MACROD1: variants seen among roughly 807,000 people sequenced by gnomAD.
MACROD1 encodes mono-ADP ribosylhydrolase 1, also known as ADP-ribose glycohydrolase MACROD1.
In MACROD1, 31 loss-of-function variants were observed where a neutral mutation model predicts 41.4. The ratio of observed to expected loss-of-function variants is 0.75; its 90% CI spans 0.56 to 1.01. The LOEUF is 1.01. MACROD1 is among the 50% of genes least tolerant of loss of function. The probability of loss-of-function intolerance (pLI) is 0.00; values close to 1 mark genes in which losing one functional copy is unlikely to be tolerated. For synonymous variants in MACROD1, 252 were observed against 203.4 expected (o/e 1.24, Z -2.03); for missense variants, 473 against 460.0 (o/e 1.03, Z -0.26).
chr11:64,103,326 G>C (rs530587910), intron 3 of MACROD1: 23 of 152,328 alleles, frequency 1.5e-4, no homozygotes, highest in Admixed American at 2.6e-4. Context: ...AGCCAAGCAG[G>C]ACTGAGGCCC....
intron 3 of MACROD1, among the ~76,000 whole-genome samples, chr11:64,068,900 G>A (rs1944054949): frequency 6.6e-6 from 1 of 152,246 alleles, no homozygotes; most frequent in South Asian, 2.1e-4. Context: ...GGACTTGGCG[G>A]GAAATGGGCA....
intron 8 of MACROD1, 89 bp from the exon 9 acceptor site, chr11:63,999,125 G>T: frequency 1.5e-6 from 2 of 1,377,820 alleles, no homozygotes; most frequent in South Asian, 2.7e-5. Context: ...GCTTTCACCT[G>T]CCTGGCCCTG....
chr11:64,005,882 C>T (rs1942902952), intron 4 of MACROD1, among the ~76,000 whole-genome samples: 1 of 152,186 alleles, frequency 6.6e-6, no homozygotes. Flanking sequence ...AGGGGTGTGT[C>T]TCCCCTCCAG....
intron 3 of MACROD1, among the ~76,000 whole-genome samples, chr11:64,045,721 A>G (rs1943572525): frequency 6.6e-6 from 1 of 152,164 alleles, no homozygotes; most frequent in South Asian, 2.1e-4. Flanking sequence ...AAGCCACTGT[A>G]CCCCTGGATG....
chr11:64,002,158 T>G lies in MACROD1; in HGVS notation c.548-1815A>C, dbSNP rs543089110. Among the ~76,000 whole-genome samples the G allele has an allele frequency of 6.6e-5, 10 of 152,196 alleles. No homozygotes were observed. The South Asian group carries it at 2.1e-3, about 32-fold the overall frequency. ...GGGTGCACACAGGGTGTTCACAGTG[T>G]GTGGGGGTGAGCCCAGGGATCTGTC... On this transcript the variant is annotated intron_variant, in intron 4 of 10. Transcript: ENST00000255681.
At chr11:64,032,130 G>A (rs1313667439) in intron 3 of MACROD1, among the ~76,000 whole-genome samples, 1 of 152,184 alleles carries the variant, frequency 6.6e-6, no homozygotes, top group Non-Finnish European at 1.5e-5. Context: ...CAGTGAGGAA[G>A]ACCCTGTTCC....
In MACROD1 at chr11:64,166,066, AT is replaced by A; in HGVS notation, c.-73del. The A allele has an allele frequency of 8.1e-7, 1 of 1,231,820 alleles. No individual in the cohort carries two copies. The highest frequency in any genetic ancestry group is 1.0e-6 in the Non-Finnish European group (1 of 987,880). The allele number at this position is 1,231,820 out of a possible 1,614,324, so 76.3% of individuals were successfully genotyped here. ...CGGCGCTCGGGAGTGTCTCTCCCTT[AT>A]TTACTCTGGGACCGGGTGGCGACTG... On this transcript the variant is annotated 5_prime_UTR_variant, in exon 1 of 11. Transcript: ENST00000255681.
chr11:64,090,096 G>A lies in MACROD1; in HGVS notation c.517+61143C>T, dbSNP rs914806069. 2.6e-5 allele frequency among the ~76,000 whole-genome samples: 4 copies of A among 152,190 alleles called. No individual in the cohort carries two copies. The highest frequency in any genetic ancestry group is 9.7e-5 in the African/African-American group (4 of 41,442). ...TCCTGAGCCCAGAACCTTCTAGAATGGGGCTGGGGGAGGGGAAGATATGCA... is the reference window on the plus strand; with the variant it reads ...TCCTGAGCCCAGAACCTTCTAGAATAGGGCTGGGGGAGGGGAAGATATGCA... On this transcript the variant is annotated intron_variant, in intron 3 of 10. Transcript: ENST00000255681. This position sits in a 1 kb window ranked among gnomAD's most constrained non-coding sequence, Gnocchi z 4.7.
chr11:64,085,638 CTGTG>C (rs1471360512), intron 3 of MACROD1, among the ~76,000 whole-genome samples: 1 of 152,234 alleles, frequency 6.6e-6, no homozygotes, highest in Non-Finnish European at 1.5e-5. Flanking sequence ...CCCCACATGG[CTGTG>C]GGGAGGCTGG....
At chr11:63,998,768 G>C in intron 10 of MACROD1, 70 bp downstream of exon 10, 1 of 1,434,882 alleles carries the variant, frequency 7.0e-7, no homozygotes, top group East Asian at 2.5e-5. Flanking sequence ...CCCTGCTTGG[G>C]GGTGAGCGGG....
intron 3 of MACROD1, among the ~76,000 whole-genome samples, chr11:64,133,555 T>C (rs1945294523): frequency 2.0e-5 from 3 of 152,142 alleles, no homozygotes; most frequent in Admixed American, 2.0e-4. Context: ...CCGGAAGCAC[T>C]GGACACAGGT....
intron 3 of MACROD1, among the ~76,000 whole-genome samples, chr11:64,087,893 T>C (rs1169613541): frequency 1.3e-5 from 2 of 152,198 alleles, no homozygotes; most frequent in Non-Finnish European, 2.9e-5. Context: ...CTTAGCTCCT[T>C]CTTTCTGCGA....
intron 3 of MACROD1, chr11:64,103,954 A>T (rs1944714079): frequency 6.6e-6 from 1 of 152,342 alleles, no homozygotes; most frequent in African/African-American, 2.4e-5. Context: ...ATACCGAGGC[A>T]CCGGATCCCC....
chr11:64,021,281 G>A (rs1409554074), intron 3 of MACROD1, among the ~76,000 whole-genome samples: 3 of 152,360 alleles, frequency 2.0e-5, no homozygotes, highest in Non-Finnish European at 2.9e-5. Context: ...GACCTGGGCC[G>A]GGAGCTGTGT....
intron 3 of MACROD1, among the ~76,000 whole-genome samples, chr11:64,031,121 G>C (rs1180553589): frequency 6.6e-6 from 1 of 152,178 alleles, no homozygotes; most frequent in Admixed American, 6.5e-5. Context: ...GGGTGCTCTT[G>C]TCCTGGCTGG....
At chr11:64,147,239 T>A (rs941947882) in intron 3 of MACROD1, among the ~76,000 whole-genome samples, 3 of 151,514 alleles carry the variant, frequency 2.0e-5, no homozygotes, top group Non-Finnish European at 2.9e-5. Flanking sequence ...TAATCTTTTT[T>A]AATTTTTTTT....
chr11:64,071,080 T>TCTGTTGGGACCTCCAC (rs1944100432), intron 3 of MACROD1, among the ~76,000 whole-genome samples: 1 of 152,128 alleles, frequency 6.6e-6, no homozygotes, highest in South Asian at 2.1e-4. Flanking sequence ...GGCCTTTGTC[T>TCTGTTGGGACCTCCAC]CTGTTGGGAC....
intron 3 of MACROD1, chr11:64,117,101 G>A (rs1458775954): frequency 6.2e-7 from 1 of 1,606,124 alleles, no homozygotes; most frequent in African/African-American, 1.3e-5. Flanking sequence ...TCTACCTGCA[G>A]GACAATGCCA....
intron 1 of MACROD1, among the ~76,000 whole-genome samples, chr11:64,162,110 G>A (rs1945763944): frequency 1.3e-5 from 2 of 151,768 alleles, no homozygotes; most frequent in South Asian, 4.2e-4. Context: ...GGGAGGCCGA[G>A]GTGGGTAGAT....
Sources: gnomAD v4.1 joint callset for allele counts (sites outside exome capture counted in the v4.1 genomes callset) on GRCh38, gnomAD v4.1.1 for gene constraint, Gnocchi (gnomAD v3.1) non-coding constraint, MANE v1.5 for transcripts, NCBI Gene and HGNC (gene_info 2026-07-23, HGNC 2026-07-21) for gene names.